GATM: variants seen among roughly 807,000 people sequenced by gnomAD.
GATM encodes glycine amidinotransferase.
In GATM, 23 loss-of-function variants were observed where a neutral mutation model predicts 54.2. The ratio of observed to expected loss-of-function variants is 0.42; its 90% CI spans 0.31 to 0.60. GATM has a LOEUF of 0.60. Among genes scored for constraint, GATM ranks in the 20% least tolerant of loss-of-function variants. The pLI, the probability that GATM is intolerant of heterozygous loss-of-function variation, is 0.14. For synonymous variants in GATM, 168 were observed against 183.1 expected (o/e 0.92, Z 0.67); for missense variants, 401 against 544.9 (o/e 0.74, Z 2.63).
At chr15:45,381,470 G>A (rs2140665646), upstream of GATM, among the ~76,000 whole-genome samples, 1 of 152,262 alleles carries the variant, frequency 6.6e-6, no homozygotes, top group South Asian at 2.1e-4. Flanking sequence ...TTTTTGAAAT[G>A]TGTCTTGAAA....
intron 2 of GATM, among the ~76,000 whole-genome samples, chr15:45,375,316 G>A (rs918700369): frequency 3.9e-5 from 6 of 152,102 alleles, no homozygotes; most frequent in South Asian, 2.1e-4. Flanking sequence ...TGATCCACCC[G>A]CCTCAGCCTC....
chr15:45,378,387 G>A lies in GATM; in HGVS notation c.67C>T (p.Arg23Trp), dbSNP rs1240389133. 6 of 1,520,216 alleles carry A rather than the reference G, an allele frequency of 3.9e-6. No homozygotes were observed. The highest frequency in any genetic ancestry group is 2.0e-5 in the Admixed American group (1 of 49,552). 94.2% of individuals were successfully genotyped at this position (1,520,216 alleles called of 1,614,324 possible). Residue 23 changes from arginine (R) to tryptophan (W), a missense_variant and splice_region_variant, in exon 1 of 9, where the codon CGG (arginine) becomes TGG (tryptophan). By Grantham distance (101) the Arg-to-Trp change is moderately radical. This residue lies in a region of GATM where 70 missense variants were observed against 61.5 expected (regional missense o/e 1.14). Coordinates refer to ENST00000396659, the MANE Select transcript of GATM (RefSeq NM_001482.3). ...GAEAVHYIGS[R>W]LGRTLTGWVQ... ...GACGAGGCCGGTGGCGCACGCACCC[G>A]AGATCCGATGTAGTGCACCGCCTCG...
chr15:45,364,048 C>T (rs758392135), intron 7 of GATM, 32 bp from the exon 8 acceptor site: 25 of 1,259,486 alleles, frequency 2.0e-5, no homozygotes, highest in Admixed American at 8.4e-5. Flanking sequence ...AAACCATGTC[C>T]GCTATCATTT....
In GATM at chr15:45,369,476, C is replaced by T. The variant is rs1889504321; in HGVS notation, c.334G>A (p.Gly112Arg). The T allele has an allele frequency of 6.2e-7, 1 of 1,614,038 alleles. No individual in the cohort carries two copies. The highest frequency in any genetic ancestry group is 1.3e-5 in the African/African-American group (1 of 74,932). The change falls in exon 3 of 9, where the codon GGG becomes AGG. Residue 112 changes from glycine to arginine, a missense_variant. Physicochemically the swap from Gly to Arg is moderately radical, Grantham distance 125. Coordinates refer to ENST00000396659, the MANE Select transcript of GATM (RefSeq NM_001482.3). ...AAATGATCTTTGGGAAAATAATGCC[C>T]TCCTTGCTTCTGGTAAAATGGCCAG... ...KYWPFYQKQGGHYFPKDHLKK... is the reference protein window; with the variant it reads ...KYWPFYQKQGRHYFPKDHLKK...
intron 6 of GATM, among the ~76,000 whole-genome samples, chr15:45,365,335 T>C (rs1034501817): frequency 1.3e-5 from 2 of 152,224 alleles, no homozygotes; most frequent in African/African-American, 4.8e-5. Flanking sequence ...TAGTGACCTT[T>C]TACAACTTAG....
intron 2 of GATM, among the ~76,000 whole-genome samples, chr15:45,373,846 A>C (rs954204017): frequency 3.3e-5 from 5 of 152,212 alleles, no homozygotes; most frequent in Non-Finnish European, 5.9e-5. Flanking sequence ...ATGAAACAGA[A>C]ATAACCATTA....
intron 2 of GATM, 131 bp downstream of exon 2, chr15:45,376,470 G>A (rs978016822): frequency 6.3e-6 from 5 of 793,360 alleles, no homozygotes; most frequent in Admixed American, 1.7e-5. Context: ...ATACCACAGA[G>A]GTGTCAAGTA....
chr15:45,368,059 T>C lies in GATM; in HGVS notation c.675+11A>G. The C allele has an allele frequency of 2.5e-6, 4 of 1,612,760 alleles. No individual in the cohort carries two copies. The South Asian group carries it at 4.4e-5, about 18-fold the overall frequency. ...AGTTAGTAATAAGCTAGCCTATAAT[T>C]AGGGACTCACCTGGTTATAAAGCTC... On this transcript the variant is annotated intron_variant, in intron 4 of 8. Transcript: ENST00000396659. This position sits in a 1 kb window ranked among gnomAD's most constrained non-coding sequence, Gnocchi z 5.1.
rs145326269 is a variant in GATM at position 45,394,231 on chromosome 15, T to C, written c.-319+2691A>G. Among the ~76,000 whole-genome samples, 6 of 152,270 alleles carry C rather than the reference T, an allele frequency of 3.9e-5. No individual in the cohort carries two copies. In the East Asian group the frequency reaches 9.6e-4, roughly 24 times the overall value. On this transcript the variant is annotated intron_variant, in intron 3 of 4. Coordinates refer to the GATM transcript ENST00000561148. ...CATCATAGGAGTGTGAATCTTACTA[T>C]ATACTGTGAACTGGCATGCAGAGGA...
At chr15:45,378,789 C>A, upstream of GATM, 1 of 291,386 alleles carries the variant, frequency 3.4e-6, no homozygotes. Flanking sequence ...GCAAGAAGGC[C>A]CGTTGGAGTC....
At chr15:45,370,935 G>A (rs986659877) in intron 2 of GATM, among the ~76,000 whole-genome samples, 9 of 152,042 alleles carry the variant, frequency 5.9e-5, no homozygotes, top group African/African-American at 4.8e-5. Context: ...CACCACGCCC[G>A]GCTAATTTTT....
intron 2 of GATM, chr15:45,397,199 T>A (rs1254348488): frequency 6.6e-6 from 1 of 152,014 alleles, no homozygotes; most frequent in East Asian, 1.9e-4. Context: ...TTGGTTCTAA[T>A]GTTTGGTCTT....
chr15:45,401,367 G>A (rs1356355655), intron 1 of GATM, among the ~76,000 whole-genome samples: 1 of 152,158 alleles, frequency 6.6e-6, no homozygotes. Flanking sequence ...TAAAATATCA[G>A]TTTTGTCAAC....
In GATM at chr15:45,368,824, C is replaced by A. The variant is rs539697849; in HGVS notation, c.484+502G>T. Among the ~76,000 whole-genome samples the A allele has an allele frequency of 1.3e-5, 2 of 151,932 alleles. No homozygotes were observed. Among genetic ancestry groups the A allele is most frequent in the South Asian group, 4.2e-4 (2 of 4,786 alleles). On this transcript the variant is annotated intron_variant, in intron 3 of 8. Transcript: ENST00000396659. This position sits in a 1 kb window ranked among gnomAD's most constrained non-coding sequence, Gnocchi z 5.1. ...GAATAAAGTCCTTGTACAAAGAGAT[C>A]TTGAACCACCAAGCTTTCACCATTT...
At chr15:45,371,121 A>G (rs2140649343) in intron 2 of GATM, among the ~76,000 whole-genome samples, 1 of 152,302 alleles carries the variant, frequency 6.6e-6, no homozygotes, top group Admixed American at 6.5e-5. Context: ...TTCTGCATTC[A>G]GATTGTTTTC....
upstream of GATM, among the ~76,000 whole-genome samples, chr15:45,381,166 C>T (rs1475132001): frequency 1.3e-5 from 2 of 151,902 alleles, no homozygotes; most frequent in Non-Finnish European, 2.9e-5. Context: ...TCTTGTCTTG[C>T]CTTCCCCTAT....
chr15:45,396,513 A>G (rs1889932755), intron 3 of GATM, among the ~76,000 whole-genome samples: 1 of 152,176 alleles, frequency 6.6e-6, no homozygotes, highest in South Asian at 2.1e-4. Flanking sequence ...AGAAAAGAGT[A>G]GATGAATGTT....
chr15:45,379,540 T>A (rs1231713723), upstream of GATM: 1 of 152,068 alleles, frequency 6.6e-6, no homozygotes, highest in East Asian at 1.9e-4. Context: ...TGAGTTCCAG[T>A]CCTGAATCAC....
upstream of GATM, chr15:45,380,136 A>G (rs1889718383): frequency 1.3e-5 from 2 of 148,902 alleles, no homozygotes; most frequent in Admixed American, 1.3e-4. Flanking sequence ...AAAAAAAAAA[A>G]AAAAAAAAAA....
Sources: allele counts gnomAD v4.1 joint callset (sites outside exome capture counted in the v4.1 genomes callset), GRCh38; gene constraint gnomAD v4.1.1; regional missense constraint gnomAD v4.1.1; non-coding constraint Gnocchi (gnomAD v3.1); transcripts MANE v1.5; gene names NCBI Gene and HGNC (gene_info 2026-07-23, HGNC 2026-07-21).